CADPS: variants seen among roughly 807,000 people sequenced by gnomAD.
CADPS encodes the protein calcium-dependent secretion activator 1.
In CADPS, 57 loss-of-function variants were observed where a neutral mutation model predicts 167.3. The ratio of observed to expected loss-of-function variants is 0.34; its 90% confidence interval spans 0.28 to 0.42. The LOEUF is 0.42. Ranked by LOEUF, CADPS falls within the 20% of genes least tolerant of loss-of-function variation. The pLI is 1.00. For synonymous variants in CADPS, 676 were observed against 635.3 expected (o/e 1.06, Z -0.96); for missense variants, 1,414 against 1,738.1 (o/e 0.81, Z 3.32).
At chr3:62,427,576 C>T (rs977652031) in intron 28 of CADPS, among the ~76,000 whole-genome samples, 1 of 152,076 alleles carries the variant, frequency 6.6e-6, no homozygotes, top group Non-Finnish European at 1.5e-5. Flanking sequence ...AACATGCCCC[C>T]AACCCCCGAG....
At chr3:62,733,256 G>A (rs1181199705) in intron 3 of CADPS, among the ~76,000 whole-genome samples, 1 of 152,224 alleles carries the variant, frequency 6.6e-6, no homozygotes, top group East Asian at 1.9e-4. Flanking sequence ...GATACCTCAT[G>A]ATGGAATCAA....
intron 9 of CADPS, among the ~76,000 whole-genome samples, chr3:62,562,659 T>C (rs1299674913): frequency 6.6e-6 from 1 of 152,214 alleles, no homozygotes; most frequent in East Asian, 1.9e-4. Context: ...TTCTTATGTG[T>C]GCATGCAGGC....
intron 1 of CADPS, among the ~76,000 whole-genome samples, chr3:62,837,127 C>A (rs1399303878): frequency 6.6e-6 from 1 of 152,146 alleles, no homozygotes; most frequent in Non-Finnish European, 1.5e-5. Flanking sequence ...TAACTTCTAT[C>A]ACATTCTATG....
Position 62,845,543 on chromosome 3 carries a change from AAG to A in CADPS, c.441+29044_441+29045del, listed in dbSNP as rs530757104. On this transcript the variant is annotated intron_variant, in intron 1 of 29. Transcript: ENST00000383710. ...TTGGCCTAAAGTGCAGTTGTGAAGA[AAG>A]AGCCTTTATCATAATTATAGAGGGG... Among the ~76,000 whole-genome samples, 145 of 152,326 alleles carry A rather than the reference AAG, an allele frequency of 9.5e-4. 1 individual carries two copies. The highest frequency in any genetic ancestry group is 3.4e-3 in the African/African-American group (142 of 41,574).
At chr3:62,766,207 A>G (rs1283416503) in intron 1 of CADPS, among the ~76,000 whole-genome samples, 1 of 152,172 alleles carries the variant, frequency 6.6e-6, no homozygotes, top group Non-Finnish European at 1.5e-5. Flanking sequence ...CAAAGTTAAT[A>G]CACTTTTAAT....
In CADPS at chr3:62,463,091, T is replaced by C. The variant is rs12492022; in HGVS notation, c.3636+2276A>G. On this transcript the variant is annotated intron_variant, in intron 26 of 29. Transcript: ENST00000383710. ...CTAGGCATGCTGTGAGGCTGCAAAA[T>C]GTCTCTGAAAAGGGAGATGAGAGGA... Among the ~76,000 whole-genome samples the C allele has an allele frequency of 5.3e-3, 804 of 152,284 alleles. 33 individuals are homozygous for C. The highest frequency in any genetic ancestry group is 0.046 in the Admixed American group (699 of 15,298).
At chr3:62,569,343 C>G (rs905011040) in intron 9 of CADPS, among the ~76,000 whole-genome samples, 2 of 152,196 alleles carry the variant, frequency 1.3e-5, no homozygotes, top group African/African-American at 4.8e-5. Context: ...CTCAGGTGAT[C>G]CACCCGTCTC....
intron 2 of CADPS, among the ~76,000 whole-genome samples, chr3:62,758,607 G>A (rs1475869283): frequency 6.6e-6 from 1 of 152,170 alleles, no homozygotes; most frequent in Admixed American, 6.5e-5. Context: ...TCTGTATTTT[G>A]TATCCGTGTT....
intron 26 of CADPS, among the ~76,000 whole-genome samples, chr3:62,451,335 C>T (rs1193690302): frequency 6.6e-6 from 1 of 151,990 alleles, no homozygotes; most frequent in Non-Finnish European, 1.5e-5. Context: ...AAAAAGGGGA[C>T]CTGAGTTAAT....
intron 3 of CADPS, among the ~76,000 whole-genome samples, chr3:62,694,009 A>G (rs2079751693): frequency 6.6e-6 from 1 of 152,010 alleles, no homozygotes; most frequent in Non-Finnish European, 1.5e-5. Context: ...TGTTCTGTTG[A>G]TGTCAATAAG....
At chr3:62,688,639 C>T (rs1159093362) in intron 3 of CADPS, among the ~76,000 whole-genome samples, 1 of 152,094 alleles carries the variant, frequency 6.6e-6, no homozygotes, top group Non-Finnish European at 1.5e-5. Context: ...TATTCTTGCT[C>T]TTGCCATCTT....
intron 1 of CADPS, among the ~76,000 whole-genome samples, chr3:62,787,855 A>G (rs1165136447): frequency 6.6e-6 from 1 of 152,232 alleles, no homozygotes; most frequent in Non-Finnish European, 1.5e-5. Flanking sequence ...TCTTTGGCAC[A>G]TGGTAAGTAT....
chr3:62,839,530 T>A (rs566266221), intron 1 of CADPS, among the ~76,000 whole-genome samples: 39 of 152,142 alleles, frequency 2.6e-4, no homozygotes, highest in Admixed American at 5.2e-4. Flanking sequence ...GAATATGGGA[T>A]CAGGAGTGGT....
chr3:62,750,336 G>C (rs144292443), intron 3 of CADPS, among the ~76,000 whole-genome samples: 1 of 113,390 alleles, frequency 8.8e-6, no homozygotes, highest in South Asian at 3.2e-4. Context: ...GAGTGACAGA[G>C]TGAGACTCTT....
intron 1 of CADPS, among the ~76,000 whole-genome samples, chr3:62,795,902 T>A (rs758802428): frequency 1.6e-4 from 24 of 151,974 alleles, no homozygotes; most frequent in Non-Finnish European, 1.6e-4. Flanking sequence ...ATATTCCAGG[T>A]GGAGGGAACA....
intron 6 of CADPS, among the ~76,000 whole-genome samples, chr3:62,631,027 A>G (rs1269339489): frequency 1.3e-5 from 2 of 152,240 alleles, no homozygotes; most frequent in East Asian, 3.9e-4. Flanking sequence ...TTATTTTTAA[A>G]AAGAGACAAT....
At position 62,865,467 on chromosome 3, in the gene CADPS, C is replaced by A. The variant is rs541460962; in HGVS notation, c.441+9122G>T. Among the ~76,000 whole-genome samples, 42 of 151,162 alleles carry A rather than the reference C, an allele frequency of 2.8e-4. 1 individual carries two copies. In the South Asian group the frequency reaches 7.8e-3, roughly 28 times the overall value. ...TGCACAGAAGTAATTCTGAGAAGCA[C>A]GTGATGAATTAATATTTTCCTCCCA... is the stretch of plus-strand genomic sequence containing the variant. On this transcript the variant is annotated intron_variant, in intron 1 of 29. Coordinates refer to ENST00000383710, the MANE Select transcript of CADPS (RefSeq NM_003716.4).
rs542695544 is a variant in CADPS, at chr3:62,402,835, T to C, written c.3882+246A>G. 3.3e-5 allele frequency among the ~76,000 whole-genome samples: 5 copies of C among 152,378 alleles called. No homozygotes were observed. The East Asian group carries it at 9.6e-4, about 29-fold the overall frequency. On this transcript the variant is annotated intron_variant, in intron 29 of 29. Coordinates refer to ENST00000383710, the MANE Select transcript of CADPS (RefSeq NM_003716.4). ...CACGATGGCCTCTGCCGTATTTTTG[T>C]ATGGCAAAACCAAGTATTTTTCCTC... is the stretch of plus-strand genomic sequence containing the variant.
chr3:62,434,381 T>G (rs1056386562), intron 28 of CADPS, among the ~76,000 whole-genome samples: 1 of 152,180 alleles, frequency 6.6e-6, no homozygotes, highest in African/African-American at 2.4e-5. Context: ...AGTTTTTTTC[T>G]TAGGTGCGTT....
Sources: allele counts gnomAD v4.1 joint callset (sites outside exome capture counted in the v4.1 genomes callset), GRCh38; gene constraint gnomAD v4.1.1; transcripts MANE v1.5; gene names NCBI Gene and HGNC (gene_info 2026-07-23, HGNC 2026-07-21).